PRIM2: variants seen among roughly 807,000 people sequenced by gnomAD.
PRIM2 encodes DNA primase subunit 2.
PRIM2 carries 39 observed loss-of-function variants against 67.3 expected under a neutral mutation model. That is an observed-to-expected ratio of 0.58 (90% CI 0.45 to 0.76). The LOEUF is 0.76. Ranked by LOEUF, PRIM2 falls within the 30% of genes least tolerant of loss-of-function variation. PRIM2 has a pLI of 0.00. For synonymous variants in PRIM2, 143 were observed against 198.7 expected (o/e 0.72, Z 2.36); for missense variants, 398 against 598.7 (o/e 0.66, Z 3.50).
chr6:57,336,400 A>G (rs545123482), intron 5 of PRIM2, among the ~76,000 whole-genome samples: 3 of 152,300 alleles, frequency 2.0e-5, no homozygotes, highest in East Asian at 1.9e-4. Context: ...TGCAAGACAC[A>G]TAGTTGTCAG....
At chr6:57,407,787 A>G (rs2397282) in intron 7 of PRIM2, among the ~76,000 whole-genome samples, 11,683 of 152,030 alleles carry the variant, frequency 0.077, 1,436 homozygotes, top group African/African-American at 0.26. Flanking sequence ...GGCTTGCTGG[A>G]TGATGATGGT....
intron 8 of PRIM2, among the ~76,000 whole-genome samples, chr6:57,529,886 C>T: frequency 6.6e-6 from 1 of 152,022 alleles, no homozygotes; most frequent in Non-Finnish European, 1.5e-5. Context: ...GTCCAAGGTC[C>T]AGAGGGTGTA....
chr6:57,271,075 C>T, the PRIM2 span, among the ~76,000 whole-genome samples: 6 of 151,986 alleles, frequency 3.9e-5, no homozygotes, highest in African/African-American at 9.7e-5. Flanking sequence ...TCAGGGATAT[C>T]GGTCTAAAAT....
chr6:57,558,521 A>G (rs1418787468), intron 10 of PRIM2, among the ~76,000 whole-genome samples: 4 of 152,132 alleles, frequency 2.6e-5, no homozygotes, highest in African/African-American at 7.2e-5. Context: ...ACATAGAACC[A>G]TTACTCAAGT....
rs1315509117 is a variant in PRIM2 at position 57,629,825 on chromosome 6, G to A, written c.1231-2308G>A. Among the ~76,000 whole-genome samples the A allele has an allele frequency of 9.9e-5, 15 of 151,582 alleles. No individual in the cohort carries two copies. The South Asian group carries it at 1.5e-3, about 15-fold the overall frequency. On this transcript the variant is annotated intron_variant, in intron 12 of 13. Coordinates refer to ENST00000615550, the MANE Select transcript of PRIM2 (RefSeq NM_000947.5). ...GAGAAAAAGTCAAACTTCATTCCTT[G>A]GTCCATCTTTTCTTTTCCTATATCT...
chr6:57,254,323 A>G, the PRIM2 span, among the ~76,000 whole-genome samples: 1 of 152,218 alleles, frequency 6.6e-6, no homozygotes, highest in Non-Finnish European at 1.5e-5. Flanking sequence ...GGAAGATATT[A>G]TGGCAACAAG....
chr6:57,289,609 G>A, the PRIM2 span, among the ~76,000 whole-genome samples: 121 of 152,204 alleles, frequency 7.9e-4, no homozygotes, highest in Non-Finnish European at 1.4e-3. Flanking sequence ...CTGATCTCTC[G>A]GCAGAAACCC....
At chr6:57,530,532 G>C (rs1774864512) in intron 8 of PRIM2, among the ~76,000 whole-genome samples, 1 of 152,094 alleles carries the variant, frequency 6.6e-6, no homozygotes, top group Admixed American at 6.5e-5. Context: ...GGAGGGCGGA[G>C]AACTTTCCTG....
At chr6:57,587,683 AAAAAAAAAAAAG>A (rs1346162001) in intron 10 of PRIM2, among the ~76,000 whole-genome samples, 12 of 150,428 alleles carry the variant, frequency 8.0e-5, no homozygotes, top group African/African-American at 2.9e-4. Flanking sequence ...AAAAAAAAAA[AAAAAAAAAAAAG>A]GCAGAACACA....
intron 10 of PRIM2, among the ~76,000 whole-genome samples, chr6:57,545,851 G>A (rs1168322682): frequency 1.3e-5 from 2 of 152,136 alleles, no homozygotes; most frequent in Non-Finnish European, 2.9e-5. Flanking sequence ...ACATTTTAAA[G>A]GACCTTAAAG....
the PRIM2 span, among the ~76,000 whole-genome samples, chr6:57,288,991 A>C: frequency 2.6e-5 from 4 of 152,302 alleles, no homozygotes; most frequent in African/African-American, 7.2e-5. Flanking sequence ...GAAGGTCGGT[A>C]ATAACAAACT....
intron 5 of PRIM2, among the ~76,000 whole-genome samples, chr6:57,339,456 T>C (rs1768390937): frequency 6.6e-6 from 1 of 152,062 alleles, no homozygotes; most frequent in South Asian, 2.1e-4. Flanking sequence ...CTTCAAACTA[T>C]ACTACAAGGC....
chr6:57,383,820 A>G (rs1317612166), intron 7 of PRIM2, among the ~76,000 whole-genome samples: 1 of 152,168 alleles, frequency 6.6e-6, no homozygotes, highest in African/African-American at 2.4e-5. Flanking sequence ...ATTACATGGG[A>G]TAATGAAGTT....
chr6:57,555,258 T>C (rs1775488906), intron 10 of PRIM2, among the ~76,000 whole-genome samples: 1 of 152,164 alleles, frequency 6.6e-6, no homozygotes, highest in Non-Finnish European at 1.5e-5. Context: ...CTGCAGTATG[T>C]CTGGCACTTT....
the PRIM2 span, among the ~76,000 whole-genome samples, chr6:57,244,348 A>G: frequency 6.6e-6 from 1 of 152,246 alleles, no homozygotes; most frequent in Non-Finnish European, 1.5e-5. Context: ...TCTTTCTTCC[A>G]AATTCCTTTT....
chr6:57,346,217 C>G (rs1476106909), intron 5 of PRIM2, among the ~76,000 whole-genome samples: 3 of 152,144 alleles, frequency 2.0e-5, no homozygotes, highest in African/African-American at 7.2e-5. Context: ...TTGATCCAGC[C>G]TTTGTTCAAG....
chr6:57,361,023 G>A (rs1048294364), intron 5 of PRIM2, among the ~76,000 whole-genome samples: 1 of 151,896 alleles, frequency 6.6e-6, no homozygotes, highest in African/African-American at 2.4e-5. Context: ...GGAAGGAGCG[G>A]GTATTTTATT....
At chr6:57,502,980 A>G (rs1453763843) in intron 7 of PRIM2, among the ~76,000 whole-genome samples, 5 of 152,208 alleles carry the variant, frequency 3.3e-5, no homozygotes, top group African/African-American at 9.6e-5. Context: ...TTGATAGGAC[A>G]TATTTACTAA....
intron 8 of PRIM2, among the ~76,000 whole-genome samples, chr6:57,529,313 C>CAA (rs1188542393): frequency 7.2e-5 from 9 of 125,840 alleles, no homozygotes; most frequent in African/African-American, 1.8e-4. Context: ...GACTCCGTCT[C>CAA]AAAAAAAAAA....
Sources: allele counts gnomAD v4.1 joint callset (sites outside exome capture counted in the v4.1 genomes callset), GRCh38; gene constraint gnomAD v4.1.1; transcripts MANE v1.5; gene names NCBI Gene and HGNC (gene_info 2026-07-23, HGNC 2026-07-21).